The following TAF1A variants were observed in gnomAD, a reference collection of about 807,000 sequenced individuals.
TAF1A encodes the protein TATA-box binding protein associated factor, RNA polymerase I subunit A.
In TAF1A, 42 loss-of-function variants were observed where a neutral mutation model predicts 61.6. The ratio of observed to expected loss-of-function variants is 0.68; its 90% CI spans 0.53 to 0.88. TAF1A has a LOEUF of 0.88. Among genes scored for constraint, TAF1A ranks in the 40% least tolerant of loss-of-function variants. The pLI, the probability that TAF1A is intolerant of heterozygous loss-of-function variation, is 0.00. For missense variants in TAF1A, 424 were observed against 518.7 expected, an observed-to-expected ratio of 0.82 and a Z score of 1.77; for synonymous variants, 179 against 177.7, an observed-to-expected ratio of 1.01 and a Z score of -0.06.
At chr1:222,573,067 G>A (rs1488960538) in intron 5 of TAF1A, among the ~76,000 whole-genome samples, 8 of 152,088 alleles carry the variant, frequency 5.3e-5, no homozygotes, top group Non-Finnish European at 1.2e-4. Flanking sequence ...TCAGGAGTTC[G>A]AGACCAGCCT....
At chr1:222,561,257 T>A in intron 10 of TAF1A, 107 bp downstream of exon 10, 1 of 1,180,514 alleles carries the variant, frequency 8.5e-7, no homozygotes, top group Non-Finnish European at 1.2e-6. Flanking sequence ...CTTAAGCACC[T>A]AATATTTTTA....
intron 5 of TAF1A, 45 bp downstream of exon 5, chr1:222,577,400 C>T (rs1414558242): frequency 2.0e-6 from 3 of 1,487,944 alleles, no homozygotes; most frequent in Non-Finnish European, 1.9e-6. Flanking sequence ...GATCCCTCTG[C>T]CCCTCAGTCT....
intron 5 of TAF1A, among the ~76,000 whole-genome samples, chr1:222,573,818 T>C (rs531515796): frequency 6.6e-6 from 1 of 152,306 alleles, no homozygotes; most frequent in Admixed American, 6.5e-5. Flanking sequence ...AGCAATGTTA[T>C]TCAAAATAGG....
intron 10 of TAF1A, among the ~76,000 whole-genome samples, chr1:222,559,565 G>C (rs545217436): frequency 1.3e-5 from 2 of 152,298 alleles, no homozygotes; most frequent in Non-Finnish European, 2.9e-5. Context: ...TTTCATTACA[G>C]TTTCAGCTTG....
chr1:222,558,245 A>G (rs1014642242), downstream of TAF1A: 1 of 152,112 alleles, frequency 6.6e-6, no homozygotes, highest in Non-Finnish European at 1.5e-5. Context: ...CTCATCACCA[A>G]TATATTTCTT....
intron 2 of TAF1A, 56 bp downstream of exon 2, chr1:222,588,387 T>G (rs1661108551): frequency 6.3e-7 from 1 of 1,585,022 alleles, no homozygotes; most frequent in Non-Finnish European, 8.6e-7. Flanking sequence ...TGTATCCCTA[T>G]TGAATCTTAC....
At chr1:222,556,704 T>C (rs936055241), downstream of TAF1A, among the ~76,000 whole-genome samples, 10 of 152,228 alleles carry the variant, frequency 6.6e-5, no homozygotes, top group Non-Finnish European at 1.2e-4. Flanking sequence ...GATGTAAAAA[T>C]GTTGAGACAG....
downstream of TAF1A, among the ~76,000 whole-genome samples, chr1:222,557,482 C>T (rs116829394): frequency 0.015 from 2,237 of 152,232 alleles, 28 homozygotes; most frequent in Middle Eastern, 0.024. Flanking sequence ...GACAGAGTCT[C>T]GCTCTGTCAC....
At chr1:222,587,296 C>T (rs1661054419) in intron 2 of TAF1A, among the ~76,000 whole-genome samples, 1 of 152,156 alleles carries the variant, frequency 6.6e-6, no homozygotes, top group Admixed American at 6.5e-5. Context: ...AAAGTGTAAG[C>T]TTTGAGATCA....
At chr1:222,566,614 C>T (rs1660126470) in intron 7 of TAF1A, among the ~76,000 whole-genome samples, 1 of 152,130 alleles carries the variant, frequency 6.6e-6, no homozygotes, top group African/African-American at 2.4e-5. Flanking sequence ...GTGCAGTTCA[C>T]AATACGGTCC....
Position 222,579,822 on chromosome 1 carries a change from G to C in TAF1A, c.342C>G (p.Asn114Lys), listed in dbSNP as rs777139654. Residue 114 changes from asparagine to lysine, a missense_variant, in exon 4 of 11, where the codon AAC becomes AAG. Transcript: ENST00000352967. ...SEILFYHPKSNMESFNTFANR... is the reference protein window; with the variant it reads ...SEILFYHPKSKMESFNTFANR... ...TAGCAAAAGTATTGAAACTCTCCATGTTGCTTTTGGGATGATAAAATAGAA... is the reference window on the plus strand; with the variant it reads ...TAGCAAAAGTATTGAAACTCTCCATCTTGCTTTTGGGATGATAAAATAGAA... The C allele has an allele frequency of 6.2e-7, 1 of 1,610,974 alleles. No homozygotes were observed. Among genetic ancestry groups the C allele is most frequent in the Non-Finnish European group, 8.5e-7 (1 of 1,179,234 alleles).
chr1:222,585,587 T>A (rs899494475), intron 2 of TAF1A, among the ~76,000 whole-genome samples: 14 of 152,252 alleles, frequency 9.2e-5, no homozygotes, highest in African/African-American at 3.4e-4. Flanking sequence ...GCTGGGATTA[T>A]GAGCATGAGC....
At chr1:222,583,965 GA>G (rs1244436695) in intron 3 of TAF1A, among the ~76,000 whole-genome samples, 162 bp downstream of exon 3, 1 of 152,012 alleles carries the variant, frequency 6.6e-6, no homozygotes, top group Non-Finnish European at 1.5e-5. Flanking sequence ...GAGGTAAAAA[GA>G]AGTGTGCAAA....
intron 5 of TAF1A, among the ~76,000 whole-genome samples, chr1:222,576,524 T>C (rs552651411): frequency 6.6e-6 from 1 of 152,310 alleles, no homozygotes; most frequent in South Asian, 2.1e-4. Flanking sequence ...GGCAAGCGAA[T>C]TGCAAAGAAT....
chr1:222,589,630 T>G, intron 1 of TAF1A, 97 bp downstream of exon 1: 1 of 156,662 alleles, frequency 6.4e-6, no homozygotes, highest in Non-Finnish European at 1.4e-5. Context: ...GTTTCAGGTA[T>G]TAGGAGGAAA....
chr1:222,581,591 G>C (rs530754908), intron 3 of TAF1A, among the ~76,000 whole-genome samples: 82 of 152,278 alleles, frequency 5.4e-4, no homozygotes, highest in Middle Eastern at 3.4e-3. Context: ...AACTGTTAGA[G>C]GAAAAGAATG....
At chr1:222,566,073 T>C (rs553876027) in intron 7 of TAF1A, among the ~76,000 whole-genome samples, 1 of 152,282 alleles carries the variant, frequency 6.6e-6, no homozygotes, top group Non-Finnish European at 1.5e-5. Context: ...ACCTCTAAAA[T>C]GCCATGATTA....
At chr1:222,574,510 T>C (rs1181600127) in intron 5 of TAF1A, among the ~76,000 whole-genome samples, 2 of 152,172 alleles carry the variant, frequency 1.3e-5, no homozygotes, top group African/African-American at 4.8e-5. Context: ...AATGCATACT[T>C]ATGTGCACCG....
In TAF1A at chr1:222,569,371, A is replaced by G. The variant is rs750313570; in HGVS notation, c.894+139T>C. 5 of 1,562,904 alleles carry G rather than the reference A, an allele frequency of 3.2e-6. No homozygotes were observed. In the South Asian group the frequency reaches 5.8e-5, roughly 18 times the overall value. On this transcript the variant is annotated intron_variant, in intron 7 of 10. Coordinates refer to ENST00000352967, the MANE Select transcript of TAF1A (RefSeq NM_005681.4). The stretch of plus-strand genomic sequence containing the variant: ...ATACATGGAGATGGCAGCTGGAGCC[A>G]ACTTTCTCTGTTTATCTCAGTGTAC...
Sources: gnomAD v4.1 joint callset for allele counts (sites outside exome capture counted in the v4.1 genomes callset) on GRCh38, gnomAD v4.1.1 for gene constraint, MANE v1.5 for transcripts, NCBI Gene and HGNC (gene_info 2026-07-23, HGNC 2026-07-21) for gene names.